MROH1: variants seen among roughly 807,000 people sequenced by gnomAD.
MROH1 encodes maestro heat-like repeat-containing protein family member 1.
Under a neutral mutation model 116.5 loss-of-function variants are expected in MROH1, and 117 were observed. The ratio of observed to expected loss-of-function variants is 1.00; its 90% confidence interval spans 0.86 to 1.17. MROH1 has a LOEUF of 1.17. Among genes scored for constraint, MROH1 ranks in the 50% most tolerant of loss-of-function variants. The pLI, the probability that MROH1 is intolerant of heterozygous loss-of-function variation, is 0.00. For synonymous variants in MROH1, 921 were observed against 583.9 expected, an observed-to-expected ratio of 1.58 and a Z score of -8.32; for missense variants, 1,873 against 1,338.5, an observed-to-expected ratio of 1.40 and a Z score of -6.23.
intron 14 of MROH1, among the ~76,000 whole-genome samples, chr8:144,232,792 CTATTTATT>C (rs113198206): frequency 0.068 from 9,416 of 137,918 alleles, 876 homozygotes; most frequent in African/African-American, 0.21. Context: ...CGCACCTGGC[CTATTTATT>C]TATTTATTTA....
In MROH1 at chr8:144,192,116, GCCCTCCCCA is replaced by G. The variant is rs762828021; in HGVS notation, c.856-186_856-178del. ...GTGGCTTAGGGAGCCCCCTTCCTGG[GCCCTCCCCA>G]CCCTCCTCCCTGGCTCTGAGTTCTA... On this transcript the variant is annotated intron_variant, in intron 9 of 43. Transcript: ENST00000326134. Among the ~76,000 whole-genome samples the G allele has an allele frequency of 3.2e-4, 48 of 152,244 alleles. 1 individual carries two copies. The Middle Eastern group carries it at 0.01, about 32-fold the overall frequency.
At chr8:144,213,525 G>A (rs1024292660) in intron 12 of MROH1, 6 of 156,676 alleles carry the variant, frequency 3.8e-5, no homozygotes, top group South Asian at 2.0e-4. Context: ...GCGGTGGTTC[G>A]CGTCTGTAAT....
rs1317347471 is a variant in MROH1, at chr8:144,202,540, GC to G, written c.1141+2003del. 6.1e-5 allele frequency among the ~76,000 whole-genome samples: 8 copies of G among 132,224 alleles called. No individual in the cohort carries two copies. In the South Asian group the frequency reaches 8.0e-4, roughly 13 times the overall value. 86.7% of individuals were successfully genotyped at this position (132,224 alleles called of 152,430 possible). On this transcript the variant is annotated intron_variant, in intron 12 of 43. Transcript: ENST00000326134. The stretch of plus-strand genomic sequence containing the variant: ...TCTGTGGAGGGGTTGGGAGGGCAGC[GC>G]CCCGCTCTGTATGGAGGGGCAGGGA...
At position 144,242,474 on chromosome 8, in the gene MROH1, T is replaced by C. The variant is rs1467367456; in HGVS notation, c.2284T>C (p.Ser762Pro). The change falls in exon 23 of 44, where the codon TCA becomes CCA. Residue 762 changes from serine (S) to proline (P), a missense_variant. Physicochemically the swap from Ser to Pro is moderately conservative, Grantham distance 74. Transcript: ENST00000326134. ...GGAGCTGGTGCTGGCCAAGGTAGAGTCAGACATCCTCCGGAACATCTGCCA... is the reference window on the plus strand; with the variant it reads ...GGAGCTGGTGCTGGCCAAGGTAGAGCCAGACATCCTCCGGAACATCTGCCA... ...PRELVLAKVESDILRNICQHF... is the reference protein window; with the variant it reads ...PRELVLAKVEPDILRNICQHF... 6.4e-6 allele frequency: 5 copies of C among 780,386 alleles called. No individual in the cohort carries two copies. In the African/African-American group the frequency reaches 6.8e-5, roughly 11 times the overall value. The allele number at this position is 780,386 out of a possible 1,614,324, so 48.3% of individuals were successfully genotyped here. A position where few individuals can be genotyped will look rare whatever the true frequency, so the allele number is the denominator to read the frequency against.
intron 1 of MROH1, among the ~76,000 whole-genome samples, chr8:144,156,444 C>T (rs1444491547): frequency 6.6e-6 from 1 of 151,904 alleles, no homozygotes; most frequent in Non-Finnish European, 1.5e-5. Context: ...CGGTGGCTCA[C>T]ACCTATAATC....
intron 4 of MROH1, among the ~76,000 whole-genome samples, 182 bp from the exon 5 acceptor site, chr8:144,179,273 C>T (rs571543187): frequency 3.3e-5 from 5 of 152,164 alleles, no homozygotes; most frequent in Non-Finnish European, 7.4e-5. Flanking sequence ...GGAGATGGGC[C>T]GTGAGTGTGA....
chr8:144,192,322 T>A lies in MROH1; in HGVS notation c.869T>A (p.Ile290Asn). The A allele has an allele frequency of 6.3e-7, 1 of 1,595,924 alleles. No individual in the cohort carries two copies. Among genetic ancestry groups the A allele is most frequent in the Non-Finnish European group, 8.5e-7 (1 of 1,173,902 alleles). ...TFYLSKSLGQ[I>N]LEAAVSVGSR... Reference sequence around the variant, plus strand: ...TACCCGGAGCAGAGCCTGGGCCAGATCCTCGAGGCAGCTGTGAGTGTGGGC... The same window carrying A: ...TACCCGGAGCAGAGCCTGGGCCAGAACCTCGAGGCAGCTGTGAGTGTGGGC... Residue 290 changes from isoleucine (I) to asparagine (N), a missense_variant, in exon 10 of 44, where the codon ATC (isoleucine) becomes AAC (asparagine). Transcript: ENST00000326134.
chr8:144,238,696 T>C, intron 14 of MROH1, 60 bp from the exon 15 acceptor site: 6 of 756,776 alleles, frequency 7.9e-6, no homozygotes, highest in Middle Eastern at 7.2e-4. Flanking sequence ...GGGCAGGCTG[T>C]GTCCTCAGGC....
intron 4 of MROH1, among the ~76,000 whole-genome samples, chr8:144,172,698 C>T (rs926466185): frequency 7.2e-5 from 11 of 152,158 alleles, no homozygotes; most frequent in Non-Finnish European, 1.5e-4. Flanking sequence ...TGCGAGCCAC[C>T]GTGCCCGGCC....
chr8:144,195,215 A>AAAAAG (rs1829566678), intron 10 of MROH1, among the ~76,000 whole-genome samples: 2 of 139,166 alleles, frequency 1.4e-5, no homozygotes, highest in African/African-American at 2.6e-5. Flanking sequence ...AAAAAAAAAA[A>AAAAAG]AAAAGGCCGA....
chr8:144,227,116 T>C (rs938062923), intron 14 of MROH1, among the ~76,000 whole-genome samples: 2 of 152,262 alleles, frequency 1.3e-5, no homozygotes, highest in Non-Finnish European at 2.9e-5. Flanking sequence ...ATATTGACCA[T>C]GTATCCTGTG....
intron 13 of MROH1, among the ~76,000 whole-genome samples, chr8:144,221,142 A>G (rs58342691): frequency 0.45 from 68,104 of 151,992 alleles, 15,528 homozygotes; most frequent in South Asian, 0.51. Context: ...TGTGGGTCAC[A>G]GAGCATCACA....
At chr8:144,224,982 GT>G (rs1416839846) in intron 14 of MROH1, among the ~76,000 whole-genome samples, 2 of 151,782 alleles carry the variant, frequency 1.3e-5, no homozygotes, top group Non-Finnish European at 2.9e-5. Flanking sequence ...TTATTTTACT[GT>G]TTTATCTATA....
intron 1 of MROH1, among the ~76,000 whole-genome samples, chr8:144,148,485 C>A (rs1381320879): frequency 6.6e-6 from 1 of 152,144 alleles, no homozygotes; most frequent in Non-Finnish European, 1.5e-5. Context: ...CGGTGGTCCC[C>A]GGCCCTTCTC....
At chr8:144,249,714 T>A (rs1842523708) in intron 32 of MROH1, among the ~76,000 whole-genome samples, 1 of 151,908 alleles carries the variant, frequency 6.6e-6, no homozygotes, top group South Asian at 2.1e-4. Context: ...CCCCCCCAAG[T>A]CCCATCCTTC....
intron 8 of MROH1, among the ~76,000 whole-genome samples, chr8:144,191,287 C>T (rs1029629517): frequency 6.6e-5 from 10 of 152,164 alleles, no homozygotes; most frequent in Non-Finnish European, 8.8e-5. Context: ...CCAGGCTGGT[C>T]TCGAACTCCT....
chr8:144,212,420 G>A (rs535827438), intron 12 of MROH1, among the ~76,000 whole-genome samples: 1 of 151,796 alleles, frequency 6.6e-6, no homozygotes, highest in African/African-American at 2.4e-5. Context: ...TCTGTTTCTG[G>A]AGGGCTCATT....
chr8:144,246,475 C>G (rs1389387079), intron 29 of MROH1, among the ~76,000 whole-genome samples: 1 of 152,174 alleles, frequency 6.6e-6, no homozygotes, highest in Non-Finnish European at 1.5e-5. Context: ...GTTCAGGGCT[C>G]TTCCCACCTC....
intron 12 of MROH1, among the ~76,000 whole-genome samples, chr8:144,218,523 T>C (rs2132297095): frequency 6.6e-6 from 1 of 151,794 alleles, no homozygotes; most frequent in East Asian, 2.0e-4. Flanking sequence ...CTTGTTCTCA[T>C]CAACTTGTTG....
Sources: gnomAD v4.1 joint callset for allele counts (sites outside exome capture counted in the v4.1 genomes callset) on GRCh38, gnomAD v4.1.1 for gene constraint, MANE v1.5 for transcripts, NCBI Gene and HGNC (gene_info 2026-07-23, HGNC 2026-07-21) for gene names.